The following MAP4 variants were observed in gnomAD, a reference collection of about 807,000 sequenced individuals.
The protein encoded by MAP4 is microtubule-associated protein 4.
In MAP4, 76 loss-of-function variants were observed where a neutral mutation model predicts 170.2. The observed-to-expected ratio is 0.45, with a 90% CI of 0.37 to 0.54. The LOEUF is 0.54. Ranked by LOEUF, MAP4 falls within the 20% of genes least tolerant of loss-of-function variation. MAP4 has a pLI of 0.00. For synonymous variants in MAP4, 909 were observed against 994.5 expected (o/e 0.91, Z 1.62); for missense variants, 2,506 against 2,748.0 (o/e 0.91, Z 1.97).
intron 3 of MAP4, among the ~76,000 whole-genome samples, chr3:47,977,630 T>C (rs926117413): frequency 5.9e-5 from 9 of 152,236 alleles, no homozygotes; most frequent in African/African-American, 1.9e-4. Context: ...CCAGTTCTTG[T>C]GTGGTACAGC....
intron 1 of MAP4, among the ~76,000 whole-genome samples, chr3:48,079,151 C>T (rs1309685644): frequency 6.6e-6 from 1 of 151,880 alleles, no homozygotes; most frequent in Non-Finnish European, 1.5e-5. Flanking sequence ...GGCAACAGAG[C>T]GAGACCCTGT....
At chr3:47,868,176 C>T (rs915072342) in intron 16 of MAP4, among the ~76,000 whole-genome samples, 4 of 152,182 alleles carry the variant, frequency 2.6e-5, no homozygotes, top group African/African-American at 7.2e-5. Flanking sequence ...AACTGAGAAA[C>T]ACCAAGGCCC....
chr3:48,022,651 G>C (rs1045539367), intron 1 of MAP4, among the ~76,000 whole-genome samples: 1 of 152,198 alleles, frequency 6.6e-6, no homozygotes, highest in Non-Finnish European at 1.5e-5. Context: ...AGCACTTTGC[G>C]AGGCTGAGGC....
chr3:47,870,726 T>C, intron 15 of MAP4, 87 bp downstream of exon 15: 5 of 1,381,006 alleles, frequency 3.6e-6, no homozygotes, highest in Non-Finnish European at 4.9e-6. Context: ...ACTGCCTGCT[T>C]CTTTGGTGGG....
chr3:47,930,575 A>T (rs540058945), intron 3 of MAP4, among the ~76,000 whole-genome samples: 9 of 152,344 alleles, frequency 5.9e-5, no homozygotes, highest in Admixed American at 2.6e-4. Flanking sequence ...CTGATAAAAG[A>T]TTTGTATGTA....
At chr3:47,928,493 T>C in intron 3 of MAP4, 143 bp from the exon 4 acceptor site, 2 of 758,300 alleles carry the variant, frequency 2.6e-6, no homozygotes, top group Non-Finnish European at 4.2e-6. Context: ...TTTTTTCTTT[T>C]AATTGAAAGA....
In MAP4 at chr3:47,910,800, T is replaced by C; in HGVS notation, c.3621A>G (p.Glu1207=). 6.5e-7 allele frequency: 1 copy of C among 1,536,142 alleles called. No homozygotes were observed. The highest frequency in any genetic ancestry group is 1.4e-5 in the African/African-American group (1 of 73,162). Reference sequence around the variant, plus strand: ...CTTCATTGCCTCTCTTTTTAGGCTTTTCAGAAATCCAGGGAGCTGCCTCAT... The same window carrying C: ...CTTCATTGCCTCTCTTTTTAGGCTTCTCAGAAATCCAGGGAGCTGCCTCAT... ...KDHEAAPWIS[E]KPKKRGNEGK... The change falls in exon 9 of 21, where the codon GAA becomes GAG. Residue 1207 remains glutamate (E), a synonymous_variant. Coordinates refer to ENST00000683076, the MANE Select transcript of MAP4 (RefSeq NM_001385682.1).
intron 1 of MAP4, among the ~76,000 whole-genome samples, chr3:48,081,162 C>T (rs1442520250): frequency 6.6e-6 from 1 of 151,182 alleles, no homozygotes; most frequent in African/African-American, 2.4e-5. Context: ...TGGTGGCAGG[C>T]GCCTGTAGTC....
At chr3:47,858,971 A>G (rs1019674218) in intron 17 of MAP4, among the ~76,000 whole-genome samples, 3 of 152,106 alleles carry the variant, frequency 2.0e-5, no homozygotes, top group Non-Finnish European at 2.9e-5. Flanking sequence ...TACTAAAAAT[A>G]CAAAAAAAAT....
intron 1 of MAP4, among the ~76,000 whole-genome samples, chr3:48,045,362 G>C (rs2100123909): frequency 6.6e-6 from 1 of 151,826 alleles, no homozygotes. Flanking sequence ...ATGCACTAAA[G>C]CAGGAGGTGA....
intron 2 of MAP4, among the ~76,000 whole-genome samples, chr3:47,983,018 A>T (rs1216035998): frequency 6.6e-6 from 1 of 151,478 alleles, no homozygotes; most frequent in Non-Finnish European, 1.5e-5. Context: ...CTGTCTCAAC[A>T]TCCCAAGTAG....
chr3:48,047,069 G>C (rs2100124976), intron 1 of MAP4, among the ~76,000 whole-genome samples: 1 of 150,878 alleles, frequency 6.6e-6, no homozygotes, highest in Admixed American at 6.6e-5. Context: ...ACTCCAGCCT[G>C]GGCAACAGAG....
At chr3:47,963,495 C>A (rs2100072927) in intron 3 of MAP4, among the ~76,000 whole-genome samples, 1 of 152,174 alleles carries the variant, frequency 6.6e-6, no homozygotes, top group African/African-American at 2.4e-5. Context: ...TCCACAGCTT[C>A]CTCAAAATTT....
At chr3:48,004,103 G>C (rs1054817971) in intron 1 of MAP4, among the ~76,000 whole-genome samples, 1 of 152,056 alleles carries the variant, frequency 6.6e-6, no homozygotes, top group African/African-American at 2.4e-5. Context: ...TATTAGTTCT[G>C]TTCCTCTAAG....
At chr3:48,076,647 C>T (rs995891867) in intron 1 of MAP4, among the ~76,000 whole-genome samples, 3 of 151,826 alleles carry the variant, frequency 2.0e-5, no homozygotes, top group Non-Finnish European at 4.4e-5. Flanking sequence ...CCACTGCACT[C>T]CAGCCTGGAC....
At chr3:47,870,514 C>T (rs2089686212) in intron 15 of MAP4, among the ~76,000 whole-genome samples, 2 of 152,170 alleles carry the variant, frequency 1.3e-5, no homozygotes, top group South Asian at 4.1e-4. Flanking sequence ...TCTGAGGCCT[C>T]CTCTGTTTCT....
At chr3:48,028,155 GGTA>G (rs1322525981) in intron 1 of MAP4, among the ~76,000 whole-genome samples, 1 of 152,116 alleles carries the variant, frequency 6.6e-6, no homozygotes, top group East Asian at 1.9e-4. Flanking sequence ...AGCCAGGTGT[GGTA>G]GCACACGCCT....
Position 48,074,725 on chromosome 3 carries a change from T to TGTGTGTGTGTGTGTGTGTGG in MAP4, c.-20+14047_-20+14048insCCACACACACACACACACAC, listed in dbSNP as rs756153345. On this transcript the variant is annotated intron_variant, in intron 1 of 18. Transcript: ENST00000360240. ...GTGTGTGTGTGTGTGTGTGTGTGTG[T>TGTGTGTGTGTGTGTGTGTGG]GATATGTCGGCCAGACTGGTCTCGA... Among the ~76,000 whole-genome samples, 6 of 147,422 alleles carry TGTGTGTGTGTGTGTGTGTGG rather than the reference T, an allele frequency of 4.1e-5. No individual in the cohort carries two copies. The East Asian group carries it at 8.1e-4, about 20-fold the overall frequency.
intron 2 of MAP4, among the ~76,000 whole-genome samples, chr3:47,993,239 A>G (rs1438349095): frequency 1.3e-5 from 2 of 152,200 alleles, no homozygotes; most frequent in Admixed American, 1.3e-4. Context: ...CAGGAGGATC[A>G]CTTGAGCCCA....
Sources: allele counts gnomAD v4.1 joint callset (sites outside exome capture counted in the v4.1 genomes callset), GRCh38; gene constraint gnomAD v4.1.1; transcripts MANE v1.5; gene names NCBI Gene and HGNC (gene_info 2026-07-23, HGNC 2026-07-21).